TMEM201: variants seen among roughly 807,000 people sequenced by gnomAD.
The protein encoded by TMEM201 is transmembrane protein 201.
In TMEM201, 26 loss-of-function variants were observed where a neutral mutation model predicts 63.4. The ratio of observed to expected loss-of-function variants is 0.41; its 90% CI spans 0.30 to 0.57. The LOEUF (loss-of-function observed/expected upper bound fraction) is 0.57, where lower values mean the gene tolerates loss of function less well. Ranked by LOEUF, TMEM201 falls within the 20% of genes least tolerant of loss-of-function variation. The pLI, the probability that TMEM201 is intolerant of heterozygous loss-of-function variation, is 0.29. For missense variants in TMEM201, 794 were observed against 917.7 expected, an observed-to-expected ratio of 0.87 and a Z score of 1.74; for synonymous variants, 417 against 421.6, an observed-to-expected ratio of 0.99 and a Z score of 0.14.
rs1051587464 is a variant in TMEM201 at position 9,613,288 on chromosome 1, C to G, written c.*205C>G. 6 of 592,682 alleles carry G rather than the reference C, an allele frequency of 1.0e-5. No individual in the cohort carries two copies. In the African/African-American group the frequency reaches 1.1e-4, roughly 11 times the overall value. The allele number at this position is 592,682 out of a possible 1,614,324, so 36.7% of individuals were successfully genotyped here. A position where few individuals can be genotyped will look rare whatever the true frequency, so the allele number is the denominator to read the frequency against. On this transcript the variant is annotated 3_prime_UTR_variant, in exon 11 of 11. Transcript: ENST00000340381. ...GAGCATGTGTCTGAGGTCACACTCT[C>G]TGCCCACTCACCTCCTTGGCTGACA...
At position 9,595,782 on chromosome 1, in the gene TMEM201, C is replaced by T; in HGVS notation, c.114-108C>T. ...AGCTTTGCATCCCCAGATCCCAGAT[C>T]CCACTCCCAGCACCCTTTCCCTGGT... On this transcript the variant is annotated intron_variant, in intron 1 of 10. Coordinates refer to ENST00000340381, the MANE Select transcript of TMEM201 (RefSeq NM_001130924.3). 3.9e-6 allele frequency: 6 copies of T among 1,521,774 alleles called. No individual in the cohort carries two copies. The South Asian group carries it at 6.0e-5, about 15-fold the overall frequency. 94.3% of individuals were successfully genotyped at this position (1,521,774 alleles called of 1,614,324 possible). A position where few individuals can be genotyped will look rare whatever the true frequency, so the allele number is the denominator to read the frequency against.
chr1:9,612,016 CAAGT>C (rs1307905794), intron 10 of TMEM201, 126 bp downstream of exon 10: 8 of 1,146,874 alleles, frequency 7.0e-6, no homozygotes, highest in Non-Finnish European at 9.5e-6. Flanking sequence ...GAGTGGCCGA[CAAGT>C]AACCCACCCG....
At chr1:9,591,585 C>T (rs1427756128) in intron 1 of TMEM201, among the ~76,000 whole-genome samples, 1 of 152,270 alleles carries the variant, frequency 6.6e-6, no homozygotes, top group African/African-American at 2.4e-5. Context: ...GCCCAGGATC[C>T]GTGCTCTGCC....
intron 10 of TMEM201, 23 bp downstream of exon 10, chr1:9,611,913 G>A (rs1376149953): frequency 2.6e-6 from 4 of 1,521,574 alleles, no homozygotes; most frequent in Non-Finnish European, 2.6e-6. Context: ...AGGTGCGGGA[G>A]GGGAGGGGGT....
rs1644225527 is a variant in TMEM201, at chr1:9,605,468, G to A, written c.1161-2089G>A. ...ACAGGGCAGTCGGGGGGGGTCTCTC[G>A]CCAAAGGAAATGTTAGCACCTTTGG... On this transcript the variant is annotated intron_variant, in intron 6 of 10. Coordinates refer to ENST00000340381, the MANE Select transcript of TMEM201 (RefSeq NM_001130924.3). The surrounding 1 kb of genome is among the most constrained non-coding windows in gnomAD (Gnocchi z 5.7). Among the ~76,000 whole-genome samples the A allele has an allele frequency of 1.3e-5, 2 of 152,166 alleles. No homozygotes were observed. The highest frequency in any genetic ancestry group is 2.1e-4 in the South Asian group (1 of 4,832).
intron 1 of TMEM201, 134 bp downstream of exon 1, chr1:9,589,177 C>T (rs1333494129): frequency 5.4e-6 from 1 of 184,128 alleles, no homozygotes; most frequent in Non-Finnish European, 1.0e-5. Context: ...CGGCGCGCGC[C>T]GCCGCCCCCC....
At chr1:9,589,715 C>T (rs952552756) in intron 1 of TMEM201, among the ~76,000 whole-genome samples, 1 of 152,246 alleles carries the variant, frequency 6.6e-6, no homozygotes, top group African/African-American at 2.4e-5. Context: ...CTTTCATCGG[C>T]CTCCATCGCC....
At chr1:9,606,840 C>T (rs1445209448) in intron 6 of TMEM201, among the ~76,000 whole-genome samples, 3 of 152,216 alleles carry the variant, frequency 2.0e-5, no homozygotes, top group Non-Finnish European at 4.4e-5. Context: ...GGCAGCCTTG[C>T]GGTCGTGGAT....
At chr1:9,599,223 A>G in intron 4 of TMEM201, among the ~76,000 whole-genome samples, 1 of 152,032 alleles carries the variant, frequency 6.6e-6, no homozygotes, top group African/African-American at 2.4e-5. Context: ...TACAGGCGTG[A>G]GCCACCATGC....
Position 9,603,633 on chromosome 1 carries a change from C to G in TMEM201, c.1160+1361C>G. 1 of 985,462 alleles carries G rather than the reference C, an allele frequency of 1.0e-6. No individual in the cohort carries two copies. Among genetic ancestry groups the G allele is most frequent in the Non-Finnish European group, 1.2e-6 (1 of 829,970 alleles). The allele number at this position is 985,462 out of a possible 1,614,324, so 61.0% of individuals were successfully genotyped here. A position where few individuals can be genotyped will look rare whatever the true frequency, so the allele number is the denominator to read the frequency against. ...GATCACAGGTGCATGAGGGTTACAC[C>G]CGTCACCTGGGTCTGCCGGGATGGG... On this transcript the variant is annotated intron_variant, in intron 6 of 10. Transcript: ENST00000340381. This position sits in a 1 kb window ranked among gnomAD's most constrained non-coding sequence, Gnocchi z 4.5.
At chr1:9,600,468 G>A (rs1644115607) in intron 4 of TMEM201, among the ~76,000 whole-genome samples, 2 of 152,060 alleles carry the variant, frequency 1.3e-5, no homozygotes, top group Non-Finnish European at 2.9e-5. Context: ...GAAACAGGAG[G>A]GCCACCCCTA....
In TMEM201 at chr1:9,604,669, G is replaced by C; in HGVS notation, c.1160+2397G>C. Reference sequence around the variant, plus strand: ...GTAGATTCAGCCATCCTCACCCTCAGACTTGAGGTCCCCACCCAGGCCAAG... The same window carrying C: ...GTAGATTCAGCCATCCTCACCCTCACACTTGAGGTCCCCACCCAGGCCAAG... On this transcript the variant is annotated intron_variant, in intron 6 of 10. Transcript: ENST00000340381. The surrounding 1 kb of genome is among the most constrained non-coding windows in gnomAD (Gnocchi z 4.1). 1.0e-6 allele frequency: 1 copy of C among 985,766 alleles called. No homozygotes were observed. The highest frequency in any genetic ancestry group is 1.2e-6 in the Non-Finnish European group (1 of 829,974). The allele number at this position is 985,766 out of a possible 1,614,324, so 61.1% of individuals were successfully genotyped here. A position where few individuals can be genotyped will look rare whatever the true frequency, so the allele number is the denominator to read the frequency against.
rs921151203 is a variant in TMEM201, at chr1:9,595,960, C to T, written c.184C>T (p.Arg62Cys). 2 of 1,613,590 alleles carry T rather than the reference C, an allele frequency of 1.2e-6. No homozygotes were observed. Among genetic ancestry groups the T allele is most frequent in the Middle Eastern group, 1.7e-4 (1 of 6,000 alleles). The change falls in exon 2 of 11, where the codon CGC becomes TGC. Residue 62 changes from arginine (R) to cysteine (C), a missense_variant. By Grantham distance (180) the Arg-to-Cys change is radical. Coordinates refer to ENST00000340381, the MANE Select transcript of TMEM201 (RefSeq NM_001130924.3). ...NQDTLVPYGN[R>C]NCWDCPHCEQ... ...GGATACGCTGGTGCCCTATGGGAAC[C>T]GCAACTGCTGGGACTGTCCCCACTG...
intron 1 of TMEM201, among the ~76,000 whole-genome samples, chr1:9,590,922 C>T (rs1215394189): frequency 6.6e-6 from 1 of 152,164 alleles, no homozygotes; most frequent in Admixed American, 6.5e-5. Context: ...TTTTGAATGA[C>T]CCTCGGGAGG....
intron 1 of TMEM201, among the ~76,000 whole-genome samples, chr1:9,594,258 C>T (rs1316906854): frequency 2.0e-5 from 3 of 152,244 alleles, no homozygotes; most frequent in African/African-American, 7.2e-5. Context: ...GTCTGCAGGC[C>T]TTGCCCGCTG....
rs1051263599 is a variant in TMEM201 at position 9,607,930 on chromosome 1, C to T, written c.1393+141C>T. On this transcript the variant is annotated intron_variant, in intron 7 of 10. Coordinates refer to ENST00000340381, the MANE Select transcript of TMEM201 (RefSeq NM_001130924.3). This position sits in a 1 kb window ranked among gnomAD's most constrained non-coding sequence, Gnocchi z 5.4. Reference sequence around the variant, plus strand: ...ACAGGCAGCACAGAGCTTTGAGCCTCAGTTCCCCCCAAAGAAATGGGGCTA... The same window carrying T: ...ACAGGCAGCACAGAGCTTTGAGCCTTAGTTCCCCCCAAAGAAATGGGGCTA... 47 of 821,976 alleles carry T rather than the reference C, an allele frequency of 5.7e-5. No individual in the cohort carries two copies. Among genetic ancestry groups the T allele is most frequent in the Non-Finnish European group, 7.6e-5 (41 of 539,634 alleles). The allele number at this position is 821,976 out of a possible 1,614,324, so 50.9% of individuals were successfully genotyped here. A position where few individuals can be genotyped will look rare whatever the true frequency, so the allele number is the denominator to read the frequency against.
chr1:9,604,154 C>T lies in TMEM201; in HGVS notation c.1160+1882C>T, dbSNP rs775847744. ...GCTTGCGTCTCGAATCTTCGGTTCT[C>T]GAGGAAGTGTTGACAGTGTGATGCT... On this transcript the variant is annotated intron_variant, in intron 6 of 10. Coordinates refer to ENST00000340381, the MANE Select transcript of TMEM201 (RefSeq NM_001130924.3). This position sits in a 1 kb window ranked among gnomAD's most constrained non-coding sequence, Gnocchi z 4.1. The T allele has an allele frequency of 9.0e-5, 89 of 985,272 alleles. No individual in the cohort carries two copies. The highest frequency in any genetic ancestry group is 3.3e-4 in the South Asian group (7 of 21,292). The allele number at this position is 985,272 out of a possible 1,614,324, so 61.0% of individuals were successfully genotyped here.
rs950363202 is a variant in TMEM201 at position 9,603,660 on chromosome 1, T to TG, written c.1160+1395dup. On this transcript the variant is annotated intron_variant, in intron 6 of 10. Transcript: ENST00000340381. The surrounding 1 kb of genome is among the most constrained non-coding windows in gnomAD (Gnocchi z 4.5). ...GTCACCTGGGTCTGCCGGGATGGGT[T>TG]GGGGGGGCAGGTGCCAGGCCTCACT... 19 of 985,150 alleles carry TG rather than the reference T, an allele frequency of 1.9e-5. No homozygotes were observed. The South Asian group carries it at 2.3e-4, about 12-fold the overall frequency. 61.0% of individuals were successfully genotyped at this position (985,150 alleles called of 1,614,324 possible).
Position 9,603,501 on chromosome 1 carries a change from CA to C in TMEM201, c.1160+1230del. On this transcript the variant is annotated intron_variant, in intron 6 of 10. Transcript: ENST00000340381. This position sits in a 1 kb window ranked among gnomAD's most constrained non-coding sequence, Gnocchi z 4.5. ...TGGCTGCCCACTCCCTCAGGGCCCA[CA>C]TGTCCTGCCACTCGCCACTCTGAGC... 1.0e-6 allele frequency: 1 copy of C among 985,530 alleles called. No individual in the cohort carries two copies. The highest frequency in any genetic ancestry group is 1.1e-4 in the East Asian group (1 of 8,822). The allele number at this position is 985,530 out of a possible 1,614,324, so 61.0% of individuals were successfully genotyped here.
Sources: gnomAD v4.1 joint callset for allele counts (sites outside exome capture counted in the v4.1 genomes callset) on GRCh38, gnomAD v4.1.1 for gene constraint, Gnocchi (gnomAD v3.1) non-coding constraint, MANE v1.5 for transcripts, NCBI Gene and HGNC (gene_info 2026-07-23, HGNC 2026-07-21) for gene names.